Variants in FOCAD observed in about 807,000 individuals in gnomAD.
The protein encoded by FOCAD is KIAA1797.
In FOCAD, 198 loss-of-function variants were observed where a neutral mutation model predicts 225.6. That is an observed-to-expected ratio of 0.88 (90% CI 0.78 to 0.99). FOCAD has a LOEUF of 0.99. FOCAD is among the 50% of genes least tolerant of loss of function. FOCAD has a pLI of 0.00. For missense variants in FOCAD, 2,713 were observed against 2,123.6 expected (o/e 1.28, Z -5.46); for synonymous variants, 897 against 755.0 (o/e 1.19, Z -3.08).
At chr9:20,765,733 A>C (rs1370512596) in intron 7 of FOCAD, among the ~76,000 whole-genome samples, 1 of 151,904 alleles carries the variant, frequency 6.6e-6, no homozygotes, top group African/African-American at 2.4e-5. Flanking sequence ...ATAACTGCAT[A>C]TGAAAAAAAA....
At chr9:20,953,544 C>A (rs540058935) in intron 35 of FOCAD, among the ~76,000 whole-genome samples, 1 of 152,126 alleles carries the variant, frequency 6.6e-6, no homozygotes, top group Non-Finnish European at 1.5e-5. Context: ...CACATTTGAG[C>A]CTTTGTGATT....
intron 6 of FOCAD, among the ~76,000 whole-genome samples, chr9:20,760,551 G>A (rs1231093284): frequency 6.6e-6 from 1 of 152,114 alleles, no homozygotes; most frequent in African/African-American, 2.4e-5. Context: ...GGTATCTACT[G>A]TACTCTCTTG....
At chr9:20,835,244 C>T (rs922843615) in intron 15 of FOCAD, among the ~76,000 whole-genome samples, 7 of 151,936 alleles carry the variant, frequency 4.6e-5, no homozygotes, top group African/African-American at 1.2e-4. Flanking sequence ...GTGTGCATTA[C>T]GTCCTGTATT....
At chr9:20,734,832 A>T (rs1827005918) in intron 4 of FOCAD, among the ~76,000 whole-genome samples, 1 of 151,908 alleles carries the variant, frequency 6.6e-6, no homozygotes, top group South Asian at 2.1e-4. Context: ...TTTTGTAGAG[A>T]TGGGGTTTTG....
In FOCAD at chr9:20,911,241, G is replaced by T. The variant is rs1282141017; in HGVS notation, c.2719-1625G>T. ...TATCTTTGAAAGTATGGAGAATGAG[G>T]ATTGATATGATTGAAGCAAATGAAC... On this transcript the variant is annotated intron_variant, in intron 22 of 43. Transcript: ENST00000338382. 3.9e-5 allele frequency among the ~76,000 whole-genome samples: 6 copies of T among 152,200 alleles called. No individual in the cohort carries two copies. In the East Asian group the frequency reaches 1.2e-3, roughly 29 times the overall value.
At chr9:20,757,490 C>T (rs1243712728) in intron 5 of FOCAD, among the ~76,000 whole-genome samples, 5 of 151,962 alleles carry the variant, frequency 3.3e-5, no homozygotes, top group Admixed American at 6.6e-5. Context: ...CTCAAATAAA[C>T]GGATTCATCT....
chr9:20,768,325 A>G (rs1830242451), intron 7 of FOCAD, among the ~76,000 whole-genome samples: 1 of 151,976 alleles, frequency 6.6e-6, no homozygotes, highest in Non-Finnish European at 1.5e-5. Context: ...TTTTGGTTCC[A>G]TATGAACTTT....
chr9:20,702,887 T>C (rs768493005), intron 1 of FOCAD, among the ~76,000 whole-genome samples: 7 of 152,196 alleles, frequency 4.6e-5, no homozygotes, highest in African/African-American at 7.2e-5. Flanking sequence ...ATGTTATGCT[T>C]TGCATTTATT....
At chr9:20,771,255 C>G (rs190805725) in intron 8 of FOCAD, among the ~76,000 whole-genome samples, 2 of 152,336 alleles carry the variant, frequency 1.3e-5, no homozygotes, top group Admixed American at 1.3e-4. Flanking sequence ...CTGGGCTTGT[C>G]TTCCATGCCA....
chr9:20,802,165 A>G (rs1280042371), intron 11 of FOCAD, among the ~76,000 whole-genome samples: 1 of 152,042 alleles, frequency 6.6e-6, no homozygotes, highest in Non-Finnish European at 1.5e-5. Flanking sequence ...TGGTATATTG[A>G]TTGGACTTTT....
intron 28 of FOCAD, among the ~76,000 whole-genome samples, chr9:20,940,830 T>G (rs576268067): frequency 6.6e-6 from 1 of 152,324 alleles, no homozygotes; most frequent in East Asian, 1.9e-4. Context: ...ACATCTGACT[T>G]CAAAGCCATT....
chr9:20,982,564 C>A, intron 39 of FOCAD, 118 bp downstream of exon 39: 2 of 754,304 alleles, frequency 2.7e-6, no homozygotes, highest in South Asian at 1.6e-5. Flanking sequence ...TGGTTAATTT[C>A]AGGAAACTAT....
At chr9:20,995,247 A>G (rs1487481857) in intron 43 of FOCAD, among the ~76,000 whole-genome samples, 1 of 152,060 alleles carries the variant, frequency 6.6e-6, no homozygotes, top group South Asian at 2.1e-4. Flanking sequence ...TACAAAGGGA[A>G]CACAGCCATG....
intron 5 of FOCAD, among the ~76,000 whole-genome samples, chr9:20,744,989 C>G (rs1040371495): frequency 3.3e-5 from 5 of 152,254 alleles, no homozygotes; most frequent in African/African-American, 4.8e-5. Flanking sequence ...TTTTTTTAAA[C>G]CACTATGTAG....
intron 1 of FOCAD, among the ~76,000 whole-genome samples, chr9:20,714,653 T>C (rs1825173983): frequency 7.0e-6 from 1 of 142,778 alleles, no homozygotes. Context: ...CCTTCCTTCC[T>C]TCCTTCCTTC....
At chr9:20,952,315 T>A (rs963008713) in intron 34 of FOCAD, 3 of 152,304 alleles carry the variant, frequency 2.0e-5, no homozygotes, top group Non-Finnish European at 4.4e-5. Flanking sequence ...GTACAGCTAC[T>A]TGTTCCTGAT....
At chr9:20,950,243 A>G (rs1371647886) in intron 33 of FOCAD, among the ~76,000 whole-genome samples, 1 of 152,196 alleles carries the variant, frequency 6.6e-6, no homozygotes, top group Non-Finnish European at 1.5e-5. Flanking sequence ...ACTGTTATTG[A>G]TATTTCATCA....
chr9:20,869,271 T>G (rs1323112923), intron 18 of FOCAD, among the ~76,000 whole-genome samples: 44 of 152,140 alleles, frequency 2.9e-4, no homozygotes, highest in Admixed American at 2.8e-3. Flanking sequence ...TGTGTCCATA[T>G]TCTCTCTTCT....
intron 28 of FOCAD, among the ~76,000 whole-genome samples, chr9:20,944,390 G>A (rs1019126813): frequency 6.6e-6 from 1 of 152,078 alleles, no homozygotes; most frequent in African/African-American, 2.4e-5. Context: ...TTTTTATCTA[G>A]GGGGTGTACA....
Sources: allele counts gnomAD v4.1 joint callset (sites outside exome capture counted in the v4.1 genomes callset), GRCh38; gene constraint gnomAD v4.1.1; transcripts MANE v1.5; gene names NCBI Gene and HGNC (gene_info 2026-07-23, HGNC 2026-07-21).